The following CACNB3 variants were observed in gnomAD, a reference collection of about 807,000 sequenced individuals.
CACNB3 encodes calcium voltage-gated channel auxiliary subunit beta 3, also known as voltage-dependent L-type calcium channel subunit beta-3.
Under a neutral mutation model 63.7 loss-of-function variants are expected in CACNB3, and 36 were observed. The observed-to-expected ratio is 0.57, with a 90% CI of 0.43 to 0.75. The LOEUF (loss-of-function observed/expected upper bound fraction) is 0.75, where lower values mean the gene tolerates loss of function less well. Ranked by LOEUF, CACNB3 falls within the 30% of genes least tolerant of loss-of-function variation. CACNB3 has a pLI of 0.00. For missense variants in CACNB3, 493 were observed against 648.6 expected (o/e 0.76, Z 2.61); for synonymous variants, 241 against 250.6 (o/e 0.96, Z 0.36).
At position 48,825,722 on chromosome 12, in the gene CACNB3, CG is replaced by C. The variant is rs1279032169; in HGVS notation, c.698del (p.Gly233AlafsTer34). 6.2e-7 allele frequency: 1 copy of C among 1,614,078 alleles called. No homozygotes were observed. Among genetic ancestry groups the C allele is most frequent in the African/African-American group, 1.3e-5 (1 of 74,940 alleles). On this transcript the variant is annotated frameshift_variant, in exon 9 of 13. Transcript: ENST00000301050. LOFTEE classifies it high-confidence loss of function. The surrounding 1 kb of genome is among the most constrained non-coding windows in gnomAD (Gnocchi z 4.5). ...SLAKRSVLNN[P>X]GKRTIIERSS... ...GCAAAGCGATCTGTGCTCAACAATC[CG>C]GGCAAGAGGACCATCATTGAGCGCT...
In CACNB3 at chr12:48,824,382, TG is replaced by T. The variant is rs766965859; in HGVS notation, c.407+12del. The T allele has an allele frequency of 1.3e-6, 2 of 1,596,278 alleles. No individual in the cohort carries two copies. Among genetic ancestry groups the T allele is most frequent in the African/African-American group, 2.7e-5 (2 of 74,836 alleles). On this transcript the variant is annotated intron_variant, in intron 4 of 12. Transcript: ENST00000301050. ...CAGGAGCAGAAGGCCAGGTGAGAGT[TG>T]GGCCATGAGTCAGTAAACACACCCC...
At chr12:48,819,791 T>C in intron 1 of CACNB3, 1 of 393,826 alleles carries the variant, frequency 2.5e-6, no homozygotes, top group Admixed American at 3.0e-5. Flanking sequence ...TTCTCCTCTT[T>C]GCTTTTATCT....
Position 48,823,962 on chromosome 12 carries a change from C to T in CACNB3, c.291+159C>T. The T allele has an allele frequency of 1.1e-6, 1 of 935,892 alleles. No homozygotes were observed. Among genetic ancestry groups the T allele is most frequent in the Non-Finnish European group, 1.6e-6 (1 of 631,900 alleles). 58.0% of individuals were successfully genotyped at this position (935,892 alleles called of 1,614,324 possible). ...CCACCCCTCATATCTAAGATCTCAT[C>T]CCCAGGGTCTCCATCCTTCTGAGAC... is the stretch of plus-strand genomic sequence containing the variant. On this transcript the variant is annotated intron_variant, in intron 3 of 12. Coordinates refer to ENST00000301050, the MANE Select transcript of CACNB3 (RefSeq NM_000725.4). This position sits in a 1 kb window ranked among gnomAD's most constrained non-coding sequence, Gnocchi z 4.2.
chr12:48,814,760 G>A (rs1268745007), upstream of CACNB3: 1 of 484,288 alleles, frequency 2.1e-6, no homozygotes, highest in Non-Finnish European at 3.5e-6. The surrounding 1 kb of genome is among the most constrained non-coding windows in gnomAD (Gnocchi z 6.9). Context: ...GGCCTGGGCA[G>A]CGCCGCCTGC....
chr12:48,824,587 A>G, intron 4 of CACNB3, 82 bp from the exon 5 acceptor site: 3 of 1,337,676 alleles, frequency 2.2e-6, no homozygotes, highest in South Asian at 2.4e-5. Context: ...GGAATTGTGT[A>G]CAATTATTAA....
upstream of CACNB3, chr12:48,815,280 G>T: frequency 4.2e-6 from 1 of 240,102 alleles, no homozygotes. Context: ...GGAAACTCCA[G>T]AGTCCCTACT....
In CACNB3 at chr12:48,828,170, C is replaced by T. The variant is rs1938251822; in HGVS notation, c.*271C>T. The T allele has an allele frequency of 1.9e-6, 1 of 521,542 alleles. No homozygotes were observed. The highest frequency in any genetic ancestry group is 1.9e-5 in the African/African-American group (1 of 52,384). 32.3% of individuals were successfully genotyped at this position (521,542 alleles called of 1,614,324 possible). On this transcript the variant is annotated 3_prime_UTR_variant, in exon 13 of 13. Coordinates refer to ENST00000301050, the MANE Select transcript of CACNB3 (RefSeq NM_000725.4). Reference sequence around the variant, plus strand: ...CCTGGCACCTTCCTCTCCTCCCACACAGGAAGCTGCCCCACTGGGCAGTGC... The same window carrying T: ...CCTGGCACCTTCCTCTCCTCCCACATAGGAAGCTGCCCCACTGGGCAGTGC...
At position 48,818,622 on chromosome 12, in the gene CACNB3, G is replaced by A. The variant is rs1261404145; in HGVS notation, c.-308G>A. 6 of 1,108,496 alleles carry A rather than the reference G, an allele frequency of 5.4e-6. No individual in the cohort carries two copies. The highest frequency in any genetic ancestry group is 3.3e-5 in the African/African-American group (2 of 59,790). The allele number at this position is 1,108,496 out of a possible 1,614,324, so 68.7% of individuals were successfully genotyped here. Reference sequence around the variant, plus strand: ...TGGCCGCCGCCCCCTCGCCGCCCCCGCCTTCTCCCGGGGAGGGGGTCAGGT... The same window carrying A: ...TGGCCGCCGCCCCCTCGCCGCCCCCACCTTCTCCCGGGGAGGGGGTCAGGT... On this transcript the variant is annotated 5_prime_UTR_variant, in exon 1 of 13. Transcript: ENST00000301050. This position sits in a 1 kb window ranked among gnomAD's most constrained non-coding sequence, Gnocchi z 4.3.
Position 48,818,677 on chromosome 12 carries a change from G to A in CACNB3, c.-253G>A. ...GGGCACTATTGTTGTAGGAGCCGGC[G>A]CCAGATTCCTCAGCCGCGCTCGGGG... On this transcript the variant is annotated 5_prime_UTR_variant, in exon 1 of 13. Transcript: ENST00000301050. The surrounding 1 kb of genome is among the most constrained non-coding windows in gnomAD (Gnocchi z 4.3). 8.4e-7 allele frequency: 1 copy of A among 1,196,364 alleles called. No homozygotes were observed. Among genetic ancestry groups the A allele is most frequent in the Non-Finnish European group, 1.0e-6 (1 of 972,976 alleles). The allele number at this position is 1,196,364 out of a possible 1,614,324, so 74.1% of individuals were successfully genotyped here.
chr12:48,826,337 G>C lies in CACNB3; in HGVS notation c.743-30G>C. The C allele has an allele frequency of 6.2e-7, 1 of 1,612,242 alleles. No individual in the cohort carries two copies. Among genetic ancestry groups the C allele is most frequent in the South Asian group, 1.1e-5 (1 of 91,038 alleles). ...GGAGTGAGCAGTGGGCAGAGCTCCT[G>C]GTGAGCACTGCTGCTGCCTCCCTCC... On this transcript the variant is annotated intron_variant, in intron 9 of 12. Transcript: ENST00000301050. This position sits in a 1 kb window ranked among gnomAD's most constrained non-coding sequence, Gnocchi z 4.8.
At chr12:48,815,832 G>A (rs1592177973), upstream of CACNB3, 1 of 800,598 alleles carries the variant, frequency 1.2e-6, no homozygotes, top group African/African-American at 1.7e-5. Context: ...GGGGGAGACT[G>A]CACCGATGGG....
rs768570459 is a variant in CACNB3, at chr12:48,828,343, G to A, written c.*444G>A. 39 of 308,800 alleles carry A rather than the reference G, an allele frequency of 1.3e-4. No homozygotes were observed. The highest frequency in any genetic ancestry group is 2.1e-4 in the Non-Finnish European group (33 of 156,704). The allele number at this position is 308,800 out of a possible 1,614,324, so 19.1% of individuals were successfully genotyped here. ...GCAGGCACAAGTCCTGACAGTCAAG[G>A]GACTGCTTTGGCATCCAGGGCCTCC... On this transcript the variant is annotated 3_prime_UTR_variant, in exon 13 of 13. Transcript: ENST00000301050.
At chr12:48,817,599 T>C (rs547274182), upstream of CACNB3, among the ~76,000 whole-genome samples, 20 of 152,148 alleles carry the variant, frequency 1.3e-4, no homozygotes, top group South Asian at 4.2e-3. Flanking sequence ...TTGGGGAAAG[T>C]TTCCTCAAGA....
In CACNB3 at chr12:48,828,820, G is replaced by T; in HGVS notation, c.*921G>T. On this transcript the variant is annotated 3_prime_UTR_variant, in exon 13 of 13. Coordinates refer to ENST00000301050, the MANE Select transcript of CACNB3 (RefSeq NM_000725.4). ...TTAGGGTTAGATGGGGAGAGACAGG[G>T]CACAGAGGACCTGTCTCCCCGGCTA... 1 of 454,750 alleles carries T rather than the reference G, an allele frequency of 2.2e-6. No homozygotes were observed. 28.2% of individuals were successfully genotyped at this position (454,750 alleles called of 1,614,324 possible).
chr12:48,827,142 C>T lies in CACNB3; in HGVS notation c.1140+19C>T. 2.5e-6 allele frequency: 4 copies of T among 1,610,684 alleles called. No homozygotes were observed. The highest frequency in any genetic ancestry group is 2.5e-6 in the Non-Finnish European group (3 of 1,179,458). On this transcript the variant is annotated intron_variant, in intron 12 of 12. Coordinates refer to ENST00000301050, the MANE Select transcript of CACNB3 (RefSeq NM_000725.4). ...ACTTCAGGTAACCATTTCCAGTGGG[C>T]AGAGATGCTCAAGCTAAGCCAGCCA...
upstream of CACNB3, chr12:48,815,783 G>A (rs1191944376): frequency 2.7e-6 from 3 of 1,108,900 alleles, no homozygotes; most frequent in African/African-American, 1.5e-5. Flanking sequence ...CTGGGTGGGA[G>A]GAGAGCTCCG....
At chr12:48,817,565 G>C (rs768015977), upstream of CACNB3, among the ~76,000 whole-genome samples, 1 of 152,162 alleles carries the variant, frequency 6.6e-6, no homozygotes, top group African/African-American at 2.4e-5. Context: ...ATGAAAAAAG[G>C]AAAGAGCTCA....
chr12:48,827,874 G>A lies in CACNB3; in HGVS notation c.1430G>A (p.Arg477Gln), dbSNP rs769337009. Residue 477 changes from arginine to glutamine, a missense_variant, in exon 13 of 13, where the codon CGG (arginine) becomes CAG (glutamine). Physicochemically the swap from Arg to Gln is conservative, Grantham distance 43. Coordinates refer to ENST00000301050, the MANE Select transcript of CACNB3 (RefSeq NM_000725.4). ...NHSDRNWQRN[R>Q]PWPKDSY ...AGTGACCGGAACTGGCAGCGCAACCGGCCTTGGCCCAAGGATAGCTACTGA... is the reference window on the plus strand; with the variant it reads ...AGTGACCGGAACTGGCAGCGCAACCAGCCTTGGCCCAAGGATAGCTACTGA... 1.7e-5 allele frequency: 28 copies of A among 1,613,720 alleles called. No homozygotes were observed. The highest frequency in any genetic ancestry group is 3.3e-5 in the South Asian group (3 of 91,068).
rs1053532414 is a variant in CACNB3, at chr12:48,823,661, C to A, written c.169-20C>A. 3 of 1,613,972 alleles carry A rather than the reference C, an allele frequency of 1.9e-6. No individual in the cohort carries two copies. The African/African-American group carries it at 4.0e-5, about 22-fold the overall frequency. On this transcript the variant is annotated intron_variant, in intron 2 of 12. Coordinates refer to ENST00000301050, the MANE Select transcript of CACNB3 (RefSeq NM_000725.4). The surrounding 1 kb of genome is among the most constrained non-coding windows in gnomAD (Gnocchi z 4.2). Reference sequence around the variant, plus strand: ...TGCTTCGAGCCTTCTCTCACTTGCACTAATGGGCAAATTCTCCAGCACAAA... The same window carrying A: ...TGCTTCGAGCCTTCTCTCACTTGCAATAATGGGCAAATTCTCCAGCACAAA...
Sources: gnomAD v4.1 joint callset for allele counts (sites outside exome capture counted in the v4.1 genomes callset) on GRCh38, gnomAD v4.1.1 for gene constraint, Gnocchi (gnomAD v3.1) non-coding constraint, MANE v1.5 for transcripts, NCBI Gene and HGNC (gene_info 2026-07-23, HGNC 2026-07-21) for gene names.